Variants in ABCC2 observed in about 807,000 individuals in gnomAD.
ABCC2 encodes the protein ATP-binding cassette sub-family C member 2.
In ABCC2, 157 loss-of-function variants were observed where a neutral mutation model predicts 173.4. That is an observed-to-expected ratio of 0.91 (90% confidence interval 0.80 to 1.03). ABCC2 has a LOEUF of 1.03. Among genes scored for constraint, ABCC2 ranks in the 50% least tolerant of loss-of-function variants. ABCC2 has a pLI of 0.00. For missense variants in ABCC2, 1,822 were observed against 1,852.3 expected (o/e 0.98, Z 0.30); for synonymous variants, 657 against 693.5 (o/e 0.95, Z 0.83).
chr10:99,799,184 CTG>C, intron 7 of ABCC2, 21 bp from the exon 8 acceptor site: 2 of 1,613,548 alleles, frequency 1.2e-6, no homozygotes, highest in South Asian at 2.2e-5. Context: ...TCTGTGGACA[CTG>C]TTGTTTGGTT....
rs146464095 is a variant in ABCC2, at chr10:99,804,026, C to T, written c.1217C>T (p.Thr406Ile). The T allele has an allele frequency of 1.9e-6, 3 of 1,614,140 alleles. No individual in the cohort carries two copies. The highest frequency in any genetic ancestry group is 2.5e-6 in the Non-Finnish European group (3 of 1,180,022). ...TTCAATCCTTATCTTTAGGCATTGA[C>T]CCTATCCAACTTGGCCAGGAAGGAG... ...IMASVYKKAL[T>I]LSNLARKEYT... Residue 406 changes from threonine to isoleucine, a missense_variant, in exon 10 of 32, where the codon ACC becomes ATC. Transcript: ENST00000647814.
chr10:99,799,428 G>A, intron 8 of ABCC2, 58 bp downstream of exon 8: 1 of 1,503,012 alleles, frequency 6.7e-7, no homozygotes, highest in Non-Finnish European at 9.2e-7. Flanking sequence ...CCTCCTTTTT[G>A]CCACTGTGTA....
intron 30 of ABCC2, among the ~76,000 whole-genome samples, chr10:99,847,969 A>G (rs2039041886): frequency 6.6e-6 from 1 of 152,232 alleles, no homozygotes; most frequent in Admixed American, 6.5e-5. Flanking sequence ...TGTACTCCTC[A>G]TATGACATTA....
rs921371182 is a variant in ABCC2, at chr10:99,826,364, G to C, written c.2621-3943G>C. ...TAATGGCTGATTGACACTCAGGATT[G>C]GCGTTTTCATATGCCATCAACTCCA... On this transcript the variant is annotated intron_variant, in intron 19 of 31. Transcript: ENST00000647814. Among the ~76,000 whole-genome samples the C allele has an allele frequency of 2.6e-5, 4 of 151,194 alleles. No homozygotes were observed. In the East Asian group the frequency reaches 5.9e-4, roughly 22 times the overall value.
intron 29 of ABCC2, 57 bp from the exon 30 acceptor site, chr10:99,846,904 C>T (rs2039025463): frequency 6.2e-7 from 1 of 1,607,752 alleles, no homozygotes; most frequent in South Asian, 1.1e-5. Context: ...TCCTGAGGAA[C>T]TCCGAGGTCC....
In ABCC2 at chr10:99,846,972, G is replaced by C. The variant is rs377170961; in HGVS notation, c.4158G>C (p.Leu1386=). The C allele has an allele frequency of 6.2e-7, 1 of 1,614,038 alleles. No individual in the cohort carries two copies. Among genetic ancestry groups the C allele is most frequent in the Non-Finnish European group, 8.5e-7 (1 of 1,180,030 alleles). Residue 1386 remains leucine (L), a synonymous_variant, in exon 30 of 32, where the codon CTG becomes CTC. Coordinates refer to ENST00000647814, the MANE Select transcript of ABCC2 (RefSeq NM_000392.5). ...CCTTTCACTTGCAGGACCCCATCCT[G>C]TTCTCTGGAAGCCTGAGGATGAATC... ...KLTIIPQDPI[L]FSGSLRMNLD... is the part of the protein sequence containing the mutation.
chr10:99,825,311 G>A (rs948119844), intron 19 of ABCC2, among the ~76,000 whole-genome samples: 7 of 152,234 alleles, frequency 4.6e-5, no homozygotes, highest in Non-Finnish European at 8.8e-5. Flanking sequence ...TTCTGAGGCT[G>A]TGCCTATGCC....
At chr10:99,805,299 C>A in intron 10 of ABCC2, 83 bp from the exon 11 acceptor site, 1 of 1,212,990 alleles carries the variant, frequency 8.2e-7, no homozygotes, top group Non-Finnish European at 1.2e-6. Context: ...CACAAAGTAG[C>A]AGTGAGGCCT....
chr10:99,814,100 T>C (rs1317960345), intron 16 of ABCC2, among the ~76,000 whole-genome samples: 2 of 146,670 alleles, frequency 1.4e-5, no homozygotes, highest in African/African-American at 2.6e-5. Context: ...CACATATATA[T>C]ACACACATAT....
intron 19 of ABCC2, among the ~76,000 whole-genome samples, chr10:99,829,836 A>G (rs1327645660): frequency 1.3e-5 from 2 of 152,154 alleles, no homozygotes; most frequent in Non-Finnish European, 2.9e-5. Flanking sequence ...ATGTTGCCCA[A>G]GGTGGTCTCA....
At chr10:99,851,465 C>A in intron 31 of ABCC2, 37 bp from the exon 32 acceptor site, 2 of 1,613,548 alleles carry the variant, frequency 1.2e-6, no homozygotes, top group Non-Finnish European at 1.7e-6. Context: ...TGAGATGCTG[C>A]TTTCTAAGAC....
At chr10:99,814,730 T>TATATACAC (rs2038364143) in intron 16 of ABCC2, among the ~76,000 whole-genome samples, 13 of 143,316 alleles carry the variant, frequency 9.1e-5, no homozygotes, top group African/African-American at 3.0e-4. Context: ...CACATATGTG[T>TATATACAC]GTGTATGTGT....
At chr10:99,832,427 G>A (rs1005305662) in intron 23 of ABCC2, among the ~76,000 whole-genome samples, 3 of 151,908 alleles carry the variant, frequency 2.0e-5, no homozygotes, top group African/African-American at 7.3e-5. Context: ...AGGTGGTCTG[G>A]GAGTACAAAG....
At chr10:99,814,256 T>TAC (rs370114104) in intron 16 of ABCC2, among the ~76,000 whole-genome samples, 386 of 34,894 alleles carry the variant, frequency 0.011, 38 homozygotes, top group African/African-American at 0.032. Flanking sequence ...CACGTATGTA[T>TAC]ACACACGTAT....
At chr10:99,805,270 G>A (rs2038080700) in intron 10 of ABCC2, 112 bp from the exon 11 acceptor site, 2 of 919,722 alleles carry the variant, frequency 2.2e-6, no homozygotes, top group African/African-American at 1.6e-5. Context: ...GGCACCTCAA[G>A]TTCTTACTAA....
rs2038976976 is a variant in ABCC2 at position 99,843,680 on chromosome 10, C to T, written c.3742-119C>T. The T allele has an allele frequency of 8.1e-6, 7 of 859,804 alleles. 1 individual carries two copies. The highest frequency in any genetic ancestry group is 4.4e-4 in the Middle Eastern group (2 of 4,522). 53.3% of individuals were successfully genotyped at this position (859,804 alleles called of 1,614,324 possible). On this transcript the variant is annotated intron_variant, in intron 26 of 31. Coordinates refer to ENST00000647814, the MANE Select transcript of ABCC2 (RefSeq NM_000392.5). Reference sequence around the variant, plus strand: ...GTCTTTCTTACACTTTTCCTTACTCCCTTGTAGAGTCCAGCACAGTGCTGG... The same window carrying T: ...GTCTTTCTTACACTTTTCCTTACTCTCTTGTAGAGTCCAGCACAGTGCTGG...
intron 26 of ABCC2, among the ~76,000 whole-genome samples, chr10:99,843,434 T>C (rs1028577319): frequency 8.5e-5 from 13 of 152,216 alleles, no homozygotes; most frequent in African/African-American, 2.9e-4. Context: ...AATCTACAGA[T>C]TCCCTGGCCT....
At chr10:99,833,257 C>T (rs905145895) in intron 23 of ABCC2, among the ~76,000 whole-genome samples, 1 of 152,112 alleles carries the variant, frequency 6.6e-6, no homozygotes, top group African/African-American at 2.4e-5. Context: ...TAAAAGAACA[C>T]TCAATTTTGG....
chr10:99,811,266 G>A (rs185400129), intron 14 of ABCC2, among the ~76,000 whole-genome samples: 22 of 152,070 alleles, frequency 1.4e-4, no homozygotes, highest in African/African-American at 4.3e-4. Context: ...GAAAGTCAAG[G>A]CGGCAGTCAG....
Sources: gnomAD v4.1 joint callset for allele counts (sites outside exome capture counted in the v4.1 genomes callset) on GRCh38, gnomAD v4.1.1 for gene constraint, MANE v1.5 for transcripts, NCBI Gene and HGNC (gene_info 2026-07-23, HGNC 2026-07-21) for gene names.